SMG1: variants seen among roughly 807,000 people sequenced by gnomAD.
The protein encoded by SMG1 is SMG1 nonsense mediated mRNA decay associated PI3K related kinase, also known as serine/threonine-protein kinase SMG1.
In SMG1, 22 loss-of-function variants were observed where a neutral mutation model predicts 419.9. That is an observed-to-expected ratio of 0.05 (90% CI 0.04 to 0.07). The LOEUF (loss-of-function observed/expected upper bound fraction) is 0.07. SMG1 is among the 10% of genes least tolerant of loss of function. The probability of loss-of-function intolerance (pLI) is 1.00; values close to 1 mark genes in which losing one functional copy is unlikely to be tolerated. For missense variants in SMG1, 3,185 were observed against 4,342.0 expected (o/e 0.73, Z 7.49); for synonymous variants, 1,538 against 1,553.5 (o/e 0.99, Z 0.23).
chr16:18,886,121 CTCTT>C (rs1269143578), intron 6 of SMG1, among the ~76,000 whole-genome samples: 1 of 149,544 alleles, frequency 6.7e-6, no homozygotes. Flanking sequence ...CCTAAATGCT[CTCTT>C]TAAGATTCTA....
chr16:18,886,979 C>T (rs921052195), intron 6 of SMG1, among the ~76,000 whole-genome samples: 88 of 151,924 alleles, frequency 5.8e-4, no homozygotes, highest in Non-Finnish European at 1.1e-3. Context: ...TACAATATTC[C>T]TGTTATACAG....
At chr16:18,848,280 T>C (rs942571165) in intron 36 of SMG1, among the ~76,000 whole-genome samples, 5 of 151,970 alleles carry the variant, frequency 3.3e-5, no homozygotes, top group Non-Finnish European at 5.9e-5. Context: ...TAACAAATAA[T>C]GTATTCTTCA....
At chr16:18,908,773 G>A (rs536858975) in intron 1 of SMG1, among the ~76,000 whole-genome samples, 39 of 151,934 alleles carry the variant, frequency 2.6e-4, no homozygotes, top group African/African-American at 8.2e-4. Flanking sequence ...CCAGCTACTC[G>A]GGAGGCTGAG....
intron 38 of SMG1, 127 bp from the exon 39 acceptor site, chr16:18,845,778 A>G (rs2034225844): frequency 1.4e-6 from 1 of 724,594 alleles, no homozygotes; most frequent in Non-Finnish European, 2.2e-6. Context: ...AAATAAAGCA[A>G]TAACATATTC....
chr16:18,841,701 C>T lies in SMG1; in HGVS notation c.6560G>A (p.Arg2187Gln), dbSNP rs952344675. 3.1e-6 allele frequency: 5 copies of T among 1,613,858 alleles called. No individual in the cohort carries two copies. Among genetic ancestry groups the T allele is most frequent in the East Asian group, 4.5e-5 (2 of 44,882 alleles). The change falls in exon 41 of 63, where the codon CGG (arginine) becomes CAG (glutamine). Residue 2187 changes from arginine to glutamine, a missense_variant. Around this residue, in one of 27 missense-constraint regions of SMG1, gnomAD observed 35 missense variants for 33.8 expected, o/e 1.04. Transcript: ENST00000446231. ...FATINRQETP[R>Q]FHARHYSVTP... ...TACAGAATAGTGTCGAGCATGGAAC[C>T]GGGGTGTTTCTTGGCGATTAATTGT...
intron 1 of SMG1, among the ~76,000 whole-genome samples, chr16:18,916,526 A>G (rs1249081997): frequency 1.3e-5 from 2 of 151,052 alleles, no homozygotes; most frequent in Non-Finnish European, 3.0e-5. Flanking sequence ...AAAAAAAAAA[A>G]AAAAAAAAAA....
Position 18,834,589 on chromosome 16 carries a change from C to A in SMG1, c.8331-151G>T, listed in dbSNP as rs117917559. Among the ~76,000 whole-genome samples the A allele has an allele frequency of 9.1e-4, 138 of 152,246 alleles. No homozygotes were observed. In the East Asian group the frequency reaches 0.022, roughly 24 times the overall value. ...GCCAGGAGTTCGAGACCAGCCTGAT[C>A]AATATGGCAAAACCCCATCTCTACC... On this transcript the variant is annotated intron_variant, in intron 49 of 62. Transcript: ENST00000446231.
At position 18,829,294 on chromosome 16, in the gene SMG1, T is replaced by C. The variant is rs1443984180; in HGVS notation, c.9595A>G (p.Met3199Val). The change falls in exon 54 of 63, where the codon ATG becomes GTG. Residue 3199 changes from methionine to valine, a missense_variant. Met to Val is a conservative substitution (Grantham distance 21, BLOSUM62 1). Coordinates refer to ENST00000446231, the MANE Select transcript of SMG1 (RefSeq NM_015092.5). ...SLQRVQLHIA[M>V]FQWQHEDLLI... ...TAAACAAAAACACTTACCTGAAACATGGCAATATGCAGCTGAACCCGCTGC... is the reference window on the plus strand; with the variant it reads ...TAAACAAAAACACTTACCTGAAACACGGCAATATGCAGCTGAACCCGCTGC... 1 of 1,609,610 alleles carries C rather than the reference T, an allele frequency of 6.2e-7. No homozygotes were observed. The highest frequency in any genetic ancestry group is 8.5e-7 in the Non-Finnish European group (1 of 1,176,490).
chr16:18,897,984 T>C (rs1337071692), intron 1 of SMG1, among the ~76,000 whole-genome samples: 2 of 152,134 alleles, frequency 1.3e-5, no homozygotes, highest in East Asian at 3.8e-4. Context: ...TTTAGAAAAG[T>C]TTAGGACACT....
chr16:18,835,893 C>T (rs760268256), intron 48 of SMG1, 40 bp downstream of exon 48: 43 of 1,531,474 alleles, frequency 2.8e-5, no homozygotes, highest in Middle Eastern at 2.0e-4. Context: ...AACAAGACTC[C>T]GTCTCAAAAA....
chr16:18,919,634 A>ATGTGTGTGTGTG (rs377359517), intron 1 of SMG1, among the ~76,000 whole-genome samples: 3 of 124,570 alleles, frequency 2.4e-5, no homozygotes, highest in Non-Finnish European at 3.3e-5. Context: ...AAAAAAAAAA[A>ATGTGTGTGTGTG]TGTGTGTGTG....
chr16:18,863,569 C>T (rs2035322932), intron 25 of SMG1, 81 bp downstream of exon 25: 9 of 1,280,800 alleles, frequency 7.0e-6, no homozygotes, highest in Non-Finnish European at 9.0e-6. Context: ...TACATATGAC[C>T]AATTTTAATA....
At chr16:18,908,091 C>T (rs551713411) in intron 1 of SMG1, among the ~76,000 whole-genome samples, 17 of 152,134 alleles carry the variant, frequency 1.1e-4, no homozygotes, top group African/African-American at 3.9e-4. Flanking sequence ...ATAGGCCAGG[C>T]GCAGTTGATC....
chr16:18,865,542 T>C (rs887116464), intron 23 of SMG1, among the ~76,000 whole-genome samples: 5 of 150,058 alleles, frequency 3.3e-5, no homozygotes, highest in Non-Finnish European at 7.4e-5. Flanking sequence ...TACGGTACAT[T>C]TAGTAAAAAA....
At chr16:18,905,602 C>A (rs2037527678) in intron 1 of SMG1, among the ~76,000 whole-genome samples, 2 of 147,372 alleles carry the variant, frequency 1.4e-5, no homozygotes, top group South Asian at 4.3e-4. Context: ...GTATTCTCCT[C>A]CTTCTTCATT....
Position 18,859,591 on chromosome 16 carries a change from C to T in SMG1, c.3918G>A (p.Pro1306=), listed in dbSNP as rs1487624173. ...SSVCLATALN[P]IEQDQKWQSI... is the part of the protein sequence containing the mutation. Reference sequence around the variant, plus strand: ...ACTGCCACTTCTGATCTTGTTCTATCGGGTTTAAAGCAGTTGCCAAACAAA... The same window carrying T: ...ACTGCCACTTCTGATCTTGTTCTATTGGGTTTAAAGCAGTTGCCAAACAAA... The change falls in exon 27 of 63, where the codon CCG becomes CCA. Residue 1306 remains proline, a synonymous_variant. Coordinates refer to ENST00000446231, the MANE Select transcript of SMG1 (RefSeq NM_015092.5). The T allele has an allele frequency of 1.2e-5, 19 of 1,593,680 alleles. No individual in the cohort carries two copies. The highest frequency in any genetic ancestry group is 1.7e-5 in the Admixed American group (1 of 59,056).
At chr16:18,893,469 A>G (rs2036974330) in intron 3 of SMG1, among the ~76,000 whole-genome samples, 1 of 152,190 alleles carries the variant, frequency 6.6e-6, no homozygotes, top group African/African-American at 2.4e-5. Context: ...TACGAAAAAT[A>G]CAAAAATTAG....
chr16:18,882,213 G>A lies in SMG1; in HGVS notation c.1245C>T (p.Arg415=). The change falls in exon 10 of 63, where the codon CGC becomes CGT. Residue 415 remains arginine, a synonymous_variant. Coordinates refer to ENST00000446231, the MANE Select transcript of SMG1 (RefSeq NM_015092.5). Reference sequence around the variant, plus strand: ...TTGGAGGACCCCGAATTGGGCTGAAGCGTTCCCCAATGCTCCTCACCACAG... The same window carrying A: ...TTGGAGGACCCCGAATTGGGCTGAAACGTTCCCCAATGCTCCTCACCACAG... ...FSTVVRSIGE[R]FSPIRGPPIT... The A allele has an allele frequency of 3.1e-6, 5 of 1,601,732 alleles. No homozygotes were observed. The highest frequency in any genetic ancestry group is 4.3e-6 in the Non-Finnish European group (5 of 1,174,886).
At position 18,837,907 on chromosome 16, in the gene SMG1, A is replaced by C. The variant is rs1047371132; in HGVS notation, c.7413+107T>G. 107 of 1,160,766 alleles carry C rather than the reference A, an allele frequency of 9.2e-5. 2 individuals are homozygous for C. The South Asian group carries it at 1.3e-3, about 15-fold the overall frequency. 71.9% of individuals were successfully genotyped at this position (1,160,766 alleles called of 1,614,324 possible). A position where few individuals can be genotyped will look rare whatever the true frequency, so the allele number is the denominator to read the frequency against. On this transcript the variant is annotated intron_variant, in intron 45 of 62. Transcript: ENST00000446231. ...AACTGCCATTTCAATATTATACATTAGTTTTGCCAAAAAAATTAGAGAAAC... is the reference window on the plus strand; with the variant it reads ...AACTGCCATTTCAATATTATACATTCGTTTTGCCAAAAAAATTAGAGAAAC...
Sources: allele counts gnomAD v4.1 joint callset (sites outside exome capture counted in the v4.1 genomes callset), GRCh38; gene constraint gnomAD v4.1.1; regional missense constraint gnomAD v4.1.1; transcripts MANE v1.5; gene names NCBI Gene and HGNC (gene_info 2026-07-23, HGNC 2026-07-21).